The following HSPA12B variants were observed in gnomAD, a reference collection of about 807,000 sequenced individuals.
The protein encoded by HSPA12B is heat shock 70 kDa protein 12B.
HSPA12B carries 54 observed loss-of-function variants against 69.3 expected under a neutral mutation model. That is an observed-to-expected ratio of 0.78 (90% confidence interval 0.63 to 0.98). The LOEUF is 0.98. Ranked by LOEUF, HSPA12B falls within the 50% of genes least tolerant of loss-of-function variation. The probability of loss-of-function intolerance (pLI) is 0.00; values close to 1 mark genes in which losing one functional copy is unlikely to be tolerated. For synonymous variants in HSPA12B, 441 were observed against 436.5 expected, an observed-to-expected ratio of 1.01 and a Z score of -0.13; for missense variants, 929 against 999.8, an observed-to-expected ratio of 0.93 and a Z score of 0.96.
chr20:3,745,117 C>A lies in HSPA12B; in HGVS notation c.453+29C>A. The stretch of plus-strand genomic sequence containing the variant: ...AGTCACAGGGCTCCAGACAGGGAGG[C>A]GGGGCCAGCATGGAAAAGGGCAGGG... On this transcript the variant is annotated intron_variant, in intron 5 of 12. Coordinates refer to ENST00000254963, the MANE Select transcript of HSPA12B (RefSeq NM_052970.5). This position sits in a 1 kb window ranked among gnomAD's most constrained non-coding sequence, Gnocchi z 5.6. 2.0e-6 allele frequency: 2 copies of A among 989,414 alleles called. No individual in the cohort carries two copies. Among genetic ancestry groups the A allele is most frequent in the Non-Finnish European group, 3.0e-6 (2 of 674,298 alleles). The allele number at this position is 989,414 out of a possible 1,614,324, so 61.3% of individuals were successfully genotyped here.
At position 3,750,188 on chromosome 20, in the gene HSPA12B, A is replaced by AGCTTGCTTGCCCGCTGCTT; in HGVS notation, c.1264_1265insTTGCTTGCCCGCTGCTTGC (p.Arg422LeufsTer36). ...TCCTTCATTGACTTCTACCGCAAGC[A>AGCTTGCTTGCCCGCTGCTT]GCGGGGCCACAACGTGGAGACCGCT... On this transcript the variant is annotated frameshift_variant, in exon 11 of 13. Coordinates refer to ENST00000254963, the MANE Select transcript of HSPA12B (RefSeq NM_052970.5). LOFTEE classifies it high-confidence loss of function. The AGCTTGCTTGCCCGCTGCTT allele has an allele frequency of 6.2e-7, 1 of 1,609,080 alleles. No individual in the cohort carries two copies. Among genetic ancestry groups the AGCTTGCTTGCCCGCTGCTT allele is most frequent in the Non-Finnish European group, 8.5e-7 (1 of 1,177,258 alleles).
chr20:3,750,278 C>T, intron 11 of HSPA12B, 51 bp downstream of exon 11: 1 of 1,521,324 alleles, frequency 6.6e-7, no homozygotes, highest in Non-Finnish European at 8.8e-7. Flanking sequence ...CCGGGAATGA[C>T]CGTGCACTGG....
intron 3 of HSPA12B, among the ~76,000 whole-genome samples, chr20:3,741,214 G>A (rs549217091): frequency 6.6e-6 from 1 of 152,100 alleles, no homozygotes; most frequent in South Asian, 2.1e-4. Flanking sequence ...GTGTTCCCCT[G>A]AGCATGTGGC....
At position 3,745,028 on chromosome 20, in the gene HSPA12B, C is replaced by T; in HGVS notation, c.393C>T (p.Pro131=). 2 of 1,614,026 alleles carry T rather than the reference C, an allele frequency of 1.2e-6. No individual in the cohort carries two copies. Among genetic ancestry groups the T allele is most frequent in the South Asian group, 2.2e-5 (2 of 91,080 alleles). Residue 131 remains proline (P), a synonymous_variant, in exon 5 of 13, where the codon CCC becomes CCT. Transcript: ENST00000254963. This position sits in a 1 kb window ranked among gnomAD's most constrained non-coding sequence, Gnocchi z 5.6. Reference sequence around the variant, plus strand: ...GCGATTACTACCATGACCTGGACCCCGAAGAGGCGCGGGACTGGCTCTACT... The same window carrying T: ...GCGATTACTACCATGACCTGGACCCTGAAGAGGCGCGGGACTGGCTCTACT... The part of the protein sequence containing the change: ...TARDYYHDLD[P]EEARDWLYFE...
Position 3,740,768 on chromosome 20 carries a change from T to C in HSPA12B, c.44-47T>C, listed in dbSNP as rs1430584413. 1.3e-6 allele frequency: 2 copies of C among 1,555,576 alleles called. No homozygotes were observed. Among genetic ancestry groups the C allele is most frequent in the South Asian group, 2.3e-5 (2 of 87,894 alleles). ...TGCCTGGCTTGGGGCCCCGCTGCCATACCTACCCTGCTTGTGCCAGGATGA... is the reference window on the plus strand; with the variant it reads ...TGCCTGGCTTGGGGCCCCGCTGCCACACCTACCCTGCTTGTGCCAGGATGA... On this transcript the variant is annotated intron_variant, in intron 2 of 12. Coordinates refer to ENST00000254963, the MANE Select transcript of HSPA12B (RefSeq NM_052970.5). This position sits in a 1 kb window ranked among gnomAD's most constrained non-coding sequence, Gnocchi z 4.9.
chr20:3,745,468 C>A lies in HSPA12B; in HGVS notation c.454-25C>A. The stretch of plus-strand genomic sequence containing the variant: ...ATGAGTGCCAAGCTGAGGCCTCCTG[C>A]AGAGCCGCCCTGTGTCCCTGCCAGG... On this transcript the variant is annotated intron_variant, in intron 5 of 12. Transcript: ENST00000254963. This position sits in a 1 kb window ranked among gnomAD's most constrained non-coding sequence, Gnocchi z 5.6. 6.3e-7 allele frequency: 1 copy of A among 1,575,308 alleles called. No homozygotes were observed. Among genetic ancestry groups the A allele is most frequent in the Non-Finnish European group, 8.7e-7 (1 of 1,144,640 alleles).
Position 3,748,837 on chromosome 20 carries a change from G to A in HSPA12B, c.851-395G>A, listed in dbSNP as rs187556856. On this transcript the variant is annotated intron_variant, in intron 8 of 12. Transcript: ENST00000254963. Reference sequence around the variant, plus strand: ...ATCAGCCCCAAGCTCCTGCTGCCAGGACCAGGCACCCAGGCCAAGGACAGC... The same window carrying A: ...ATCAGCCCCAAGCTCCTGCTGCCAGAACCAGGCACCCAGGCCAAGGACAGC... 3.3e-5 allele frequency among the ~76,000 whole-genome samples: 5 copies of A among 152,132 alleles called. No individual in the cohort carries two copies. The East Asian group carries it at 9.7e-4, about 29-fold the overall frequency.
intron 1 of HSPA12B, among the ~76,000 whole-genome samples, chr20:3,735,361 G>A (rs1410610871): frequency 2.6e-5 from 4 of 152,094 alleles, no homozygotes; most frequent in South Asian, 4.1e-4. Context: ...TCAGCATATC[G>A]CACAATGAGA....
At chr20:3,748,749 A>G (rs1243079359) in intron 8 of HSPA12B, among the ~76,000 whole-genome samples, 1 of 152,010 alleles carries the variant, frequency 6.6e-6, no homozygotes, top group Non-Finnish European at 1.5e-5. Context: ...GGTACTGACA[A>G]AGGAGGAAGT....
chr20:3,746,301 C>CTTTTTTTTTTTTTTTT (rs11473544), intron 7 of HSPA12B, among the ~76,000 whole-genome samples: 1 of 89,244 alleles, frequency 1.1e-5, no homozygotes, highest in Non-Finnish European at 2.0e-5. Context: ...GATGGAGAGT[C>CTTTTTTTTTTTTTTTT]TTTTTTTTTT....
At chr20:3,735,463 C>CTT (rs34819658) in intron 1 of HSPA12B, among the ~76,000 whole-genome samples, 5 of 138,976 alleles carry the variant, frequency 3.6e-5, no homozygotes, top group Admixed American at 1.4e-4. Context: ...AGGACTCAGT[C>CTT]TTTTTTTTTT....
intron 7 of HSPA12B, among the ~76,000 whole-genome samples, chr20:3,747,262 A>T (rs1473566095): frequency 6.6e-6 from 1 of 152,114 alleles, no homozygotes; most frequent in Non-Finnish European, 1.5e-5. Flanking sequence ...AGGGACCCCC[A>T]ATCCTCCCAT....
rs1359991661 is a variant in HSPA12B at position 3,750,911 on chromosome 20, A to T, written c.1405+4A>T. ...AGCGGGATCATCCAGCACATAGGTG[A>T]GCACCTGAGCTTGGTCCCCCACCCG... is the stretch of plus-strand genomic sequence containing the variant. On this transcript the variant is annotated splice_donor_region_variant and intron_variant, in intron 12 of 12. Transcript: ENST00000254963. 1.8e-5 allele frequency: 29 copies of T among 1,613,364 alleles called. No individual in the cohort carries two copies. The highest frequency in any genetic ancestry group is 2.4e-5 in the Non-Finnish European group (28 of 1,179,580).
In HSPA12B at chr20:3,746,028, C is replaced by T. The variant is rs939924087; in HGVS notation, c.672C>T (p.Tyr224=). 5 of 1,613,136 alleles carry T rather than the reference C, an allele frequency of 3.1e-6. No homozygotes were observed. The highest frequency in any genetic ancestry group is 1.7e-5 in the Admixed American group (1 of 60,016). ...PAKQFMREAA[Y]LAGLVSRENA... is the part of the protein sequence containing the mutation. ...AGCAGTTCATGCGGGAGGCTGCCTACCTGGTGAGGACGTGCAGGCGGGCCC... is the reference window on the plus strand; with the variant it reads ...AGCAGTTCATGCGGGAGGCTGCCTATCTGGTGAGGACGTGCAGGCGGGCCC... Residue 224 remains tyrosine, a synonymous_variant, in exon 7 of 13, where the codon TAC becomes TAT. Coordinates refer to ENST00000254963, the MANE Select transcript of HSPA12B (RefSeq NM_052970.5).
chr20:3,749,457 C>T lies in HSPA12B; in HGVS notation c.937+139C>T. On this transcript the variant is annotated intron_variant, in intron 9 of 12. Coordinates refer to ENST00000254963, the MANE Select transcript of HSPA12B (RefSeq NM_052970.5). This position sits in a 1 kb window ranked among gnomAD's most constrained non-coding sequence, Gnocchi z 5.5. ...CAACCTGGCCGTCCCCTCACAGTCA[C>T]CCGCACCCCCACCCCACTCACAGCG... is the stretch of plus-strand genomic sequence containing the variant. The T allele has an allele frequency of 3.8e-6, 3 of 783,308 alleles. No individual in the cohort carries two copies. Among genetic ancestry groups the T allele is most frequent in the South Asian group, 1.7e-5 (1 of 58,712 alleles). The allele number at this position is 783,308 out of a possible 1,614,324, so 48.5% of individuals were successfully genotyped here. A position where few individuals can be genotyped will look rare whatever the true frequency, so the allele number is the denominator to read the frequency against.
In HSPA12B at chr20:3,737,283, C is replaced by A. The variant is rs755651189; in HGVS notation, c.-17-1375C>A. 6.6e-6 allele frequency among the ~76,000 whole-genome samples: 1 copy of A among 152,098 alleles called. No individual in the cohort carries two copies. The highest frequency in any genetic ancestry group is 1.5e-5 in the Non-Finnish European group (1 of 68,026). Reference sequence around the variant, plus strand: ...GGCCCCAGAACTTCATAGACAGGATCGAGCCCCTCCCATCTTAGAAAATAA... The same window carrying A: ...GGCCCCAGAACTTCATAGACAGGATAGAGCCCCTCCCATCTTAGAAAATAA... On this transcript the variant is annotated intron_variant, in intron 1 of 12. Coordinates refer to ENST00000254963, the MANE Select transcript of HSPA12B (RefSeq NM_052970.5). This position sits in a 1 kb window ranked among gnomAD's most constrained non-coding sequence, Gnocchi z 4.1.
chr20:3,750,084 T>A lies in HSPA12B; in HGVS notation c.1158T>A (p.Asp386Glu). ...GGCAACGGCCGGCAGCCTGGGTAGA[T>A]CTGACCATCGCCTTCGAGGCTCGCA... ...FKRQRPAAWV[D>E]LTIAFEARKR... is the part of the protein sequence containing the mutation. The change falls in exon 11 of 13, where the codon GAT becomes GAA. Residue 386 changes from aspartate (D) to glutamate (E), a missense_variant. Physicochemically the swap from Asp to Glu is conservative, Grantham distance 45 (BLOSUM62 2). Transcript: ENST00000254963. The A allele has an allele frequency of 6.2e-7, 1 of 1,612,322 alleles. No individual in the cohort carries two copies. The highest frequency in any genetic ancestry group is 8.5e-7 in the Non-Finnish European group (1 of 1,179,694).
Position 3,750,182 on chromosome 20 carries a change from G to T in HSPA12B, c.1256G>T (p.Arg419Leu). 1.9e-6 allele frequency: 3 copies of T among 1,609,458 alleles called. No homozygotes were observed. The highest frequency in any genetic ancestry group is 2.2e-5 in the South Asian group (2 of 90,786). ...CCCTTCTCCTTCATTGACTTCTACC[G>T]CAAGCAGCGGGGCCACAACGTGGAG... The part of the protein sequence containing the change: ...SLPFSFIDFY[R>L]KQRGHNVETA... Residue 419 changes from arginine to leucine, a missense_variant, in exon 11 of 13, where the codon CGC becomes CTC. Transcript: ENST00000254963.
rs1234419965 is a variant in HSPA12B, at chr20:3,737,994, C to A, written c.-17-664C>A. 1.3e-5 allele frequency among the ~76,000 whole-genome samples: 2 copies of A among 152,162 alleles called. No individual in the cohort carries two copies. Among genetic ancestry groups the A allele is most frequent in the African/African-American group, 2.4e-5 (1 of 41,432 alleles). On this transcript the variant is annotated intron_variant, in intron 1 of 12. Transcript: ENST00000254963. This position sits in a 1 kb window ranked among gnomAD's most constrained non-coding sequence, Gnocchi z 4.1. ...TTCCAGCCTGGGCAACAGAGTGAGACCCTGTCTCAGAAAAAAGAAAAGACA... is the reference window on the plus strand; with the variant it reads ...TTCCAGCCTGGGCAACAGAGTGAGAACCTGTCTCAGAAAAAAGAAAAGACA...
Sources: allele counts gnomAD v4.1 joint callset (sites outside exome capture counted in the v4.1 genomes callset), GRCh38; gene constraint gnomAD v4.1.1; non-coding constraint Gnocchi (gnomAD v3.1); transcripts MANE v1.5; gene names NCBI Gene and HGNC (gene_info 2026-07-23, HGNC 2026-07-21).